MANBA: variants seen among roughly 807,000 people sequenced by gnomAD.
MANBA encodes mannosidase beta.
MANBA carries 83 observed loss-of-function variants against 111.1 expected under a neutral mutation model. That is an observed-to-expected ratio of 0.75 (90% CI 0.63 to 0.90). MANBA has a LOEUF of 0.90. Among genes scored for constraint, MANBA ranks in the 40% least tolerant of loss-of-function variants. The pLI, the probability that MANBA is intolerant of heterozygous loss-of-function variation, is 0.00. For missense variants in MANBA, 1,036 were observed against 1,069.0 expected (o/e 0.97, Z 0.43); for synonymous variants, 370 against 378.7 (o/e 0.98, Z 0.27).
At chr4:102,662,582 A>G (rs576337038) in intron 11 of MANBA, 1 of 152,494 alleles carries the variant, frequency 6.6e-6, no homozygotes, top group South Asian at 2.0e-4. Context: ...AGTTACTGTG[A>G]ACCACCATCT....
chr4:102,732,738 C>T (rs1337757323), intron 1 of MANBA, among the ~76,000 whole-genome samples: 1 of 152,184 alleles, frequency 6.6e-6, no homozygotes, highest in African/African-American at 2.4e-5. Flanking sequence ...CAGGACTCGG[C>T]CTCTCCAATG....
intron 5 of MANBA, among the ~76,000 whole-genome samples, chr4:102,696,783 T>C (rs371436932): frequency 6.6e-6 from 1 of 152,124 alleles, no homozygotes; most frequent in East Asian, 1.9e-4. Context: ...TAATAGAGTA[T>C]GAAAAGCTGC....
At chr4:102,650,841 T>C (rs1029227798) in intron 12 of MANBA, 140 bp from the exon 13 acceptor site, 15 of 691,750 alleles carry the variant, frequency 2.2e-5, no homozygotes, top group Non-Finnish European at 3.8e-5. Flanking sequence ...GTTTCATAAA[T>C]GTTTTACCAT....
intron 7 of MANBA, among the ~76,000 whole-genome samples, chr4:102,685,495 A>G (rs951762896): frequency 6.7e-6 from 1 of 148,350 alleles, no homozygotes; most frequent in Admixed American, 6.6e-5. Flanking sequence ...CCCATGTGTT[A>G]TCTTTCACCA....
intron 12 of MANBA, among the ~76,000 whole-genome samples, chr4:102,652,576 G>C (rs548692388): frequency 1.3e-5 from 2 of 151,960 alleles, no homozygotes; most frequent in South Asian, 4.1e-4. Context: ...TTTAAAAAAA[G>C]AATATTAACT....
intron 1 of MANBA, among the ~76,000 whole-genome samples, chr4:102,746,777 C>T (rs1723601739): frequency 1.3e-5 from 2 of 152,078 alleles, no homozygotes; most frequent in East Asian, 1.9e-4. Context: ...TCGAGACCAT[C>T]CTGGCTAACA....
At chr4:102,702,809 C>T (rs1045607521) in intron 5 of MANBA, among the ~76,000 whole-genome samples, 5 of 152,148 alleles carry the variant, frequency 3.3e-5, no homozygotes, top group African/African-American at 1.2e-4. Flanking sequence ...CAGGAGTAAA[C>T]TCACTAATTT....
chr4:102,642,402 T>C (rs1729915822), intron 13 of MANBA, among the ~76,000 whole-genome samples: 1 of 152,278 alleles, frequency 6.6e-6, no homozygotes, highest in East Asian at 1.9e-4. Flanking sequence ...GGTCAGGAGA[T>C]GGAGATCATC....
At chr4:102,654,522 G>T (rs904658948) in intron 12 of MANBA, among the ~76,000 whole-genome samples, 2 of 152,128 alleles carry the variant, frequency 1.3e-5, no homozygotes, top group African/African-American at 2.4e-5. Context: ...AATTGAAAAA[G>T]ATTTTGAAAT....
Position 102,673,965 on chromosome 4 carries a change from T to C in MANBA, c.1066A>G (p.Asn356Asp), listed in dbSNP as rs769666791. The C allele has an allele frequency of 6.2e-7, 1 of 1,611,478 alleles. No homozygotes were observed. The highest frequency in any genetic ancestry group is 1.7e-5 in the Admixed American group (1 of 60,012). Residue 356 changes from asparagine to aspartate, a missense_variant, in exon 8 of 17, where the codon AAC (asparagine) becomes GAC (aspartate). Physicochemically the swap from Asn to Asp is conservative, Grantham distance 23. Transcript: ENST00000647097. ...NGFPIFLKGS[N>D]WIPADSFQDR... ...TGGAATGAATCTGCTGGGATCCAGTTTGAGCCTTTTAGAAATATGGGAAAT... is the reference window on the plus strand; with the variant it reads ...TGGAATGAATCTGCTGGGATCCAGTCTGAGCCTTTTAGAAATATGGGAAAT...
intron 1 of MANBA, chr4:102,734,300 A>G: frequency 6.6e-7 from 1 of 1,517,742 alleles, no homozygotes; most frequent in Non-Finnish European, 8.9e-7. Flanking sequence ...GCAGCGTGAG[A>G]GTTGGCTCTG....
At chr4:102,708,836 T>C (rs767148656) in intron 5 of MANBA, among the ~76,000 whole-genome samples, 50 of 151,702 alleles carry the variant, frequency 3.3e-4, no homozygotes, top group Non-Finnish European at 7.4e-4. Context: ...TTACAAAATA[T>C]ACTAATATTT....
intron 1 of MANBA, chr4:102,751,795 T>C (rs1723810381): frequency 1.9e-6 from 1 of 517,626 alleles, no homozygotes; most frequent in Non-Finnish European, 3.9e-6. Context: ...AGAAAGTCAA[T>C]AATGACAATT....
At chr4:102,687,091 G>T (rs887773207) in intron 7 of MANBA, among the ~76,000 whole-genome samples, 4 of 151,956 alleles carry the variant, frequency 2.6e-5, no homozygotes, top group African/African-American at 9.7e-5. Flanking sequence ...GAACAGAGTT[G>T]CCCTGCCTGT....
chr4:102,717,970 A>C (rs1019769230), intron 4 of MANBA, among the ~76,000 whole-genome samples: 2 of 152,254 alleles, frequency 1.3e-5, no homozygotes, highest in Non-Finnish European at 2.9e-5. Context: ...AGGCAAGTGA[A>C]GTTTCAGGGA....
intron 1 of MANBA, among the ~76,000 whole-genome samples, chr4:102,756,309 T>C (rs1406561569): frequency 6.6e-6 from 1 of 152,090 alleles, no homozygotes; most frequent in Non-Finnish European, 1.5e-5. Context: ...AAAGGATGAG[T>C]TCATGTCCTT....
At chr4:102,695,925 T>TA (rs1054018817) in intron 5 of MANBA, among the ~76,000 whole-genome samples, 22 of 152,010 alleles carry the variant, frequency 1.4e-4, no homozygotes, top group African/African-American at 3.1e-4. Context: ...AGGGTCTCTG[T>TA]AAAAAAAGAA....
Position 102,657,225 on chromosome 4 carries a change from G to C in MANBA, c.1704+457C>G, listed in dbSNP as rs866223108. Among the ~76,000 whole-genome samples the C allele has an allele frequency of 1.8e-3, 226 of 124,612 alleles. 6 individuals are homozygous for C. The South Asian group carries it at 0.019, about 11-fold the overall frequency. 81.8% of individuals were successfully genotyped at this position (124,612 alleles called of 152,430 possible). A position where few individuals can be genotyped will look rare whatever the true frequency, so the allele number is the denominator to read the frequency against. ...AGAGGGAGAGAGAGGAGTGGGGTGG[G>C]GGGGGGGTGGGCGGTGGTAATGGAA... On this transcript the variant is annotated intron_variant, in intron 12 of 16. Transcript: ENST00000647097.
chr4:102,679,613 T>C (rs916591277), intron 7 of MANBA: 10 of 152,132 alleles, frequency 6.6e-5, no homozygotes, highest in Non-Finnish European at 1.2e-4. Flanking sequence ...AGCCTTACCT[T>C]CTAAAAATCT....
Sources: gnomAD v4.1 joint callset for allele counts (sites outside exome capture counted in the v4.1 genomes callset) on GRCh38, gnomAD v4.1.1 for gene constraint, MANE v1.5 for transcripts, NCBI Gene and HGNC (gene_info 2026-07-23, HGNC 2026-07-21) for gene names.